The following BRD9 variants were observed in gnomAD, a reference collection of about 807,000 sequenced individuals.
BRD9 encodes bromodomain-containing protein 9.
Under a neutral mutation model 68.7 loss-of-function variants are expected in BRD9, and 47 were observed. The observed-to-expected ratio is 0.68, with a 90% confidence interval of 0.54 to 0.87. The LOEUF is 0.87. Ranked by LOEUF, BRD9 falls within the 40% of genes least tolerant of loss-of-function variation. The pLI is 0.00. For synonymous variants in BRD9, 313 were observed against 293.9 expected, an observed-to-expected ratio of 1.06 and a Z score of -0.67; for missense variants, 670 against 748.4, an observed-to-expected ratio of 0.90 and a Z score of 1.22.
At chr5:876,304 G>T in intron 11 of BRD9, 92 bp from the exon 12 acceptor site, 1 of 908,720 alleles carries the variant, frequency 1.1e-6, no homozygotes, top group Non-Finnish European at 1.7e-6. Flanking sequence ...CCGTGCCAGC[G>T]CAGCTCCTCG....
intron 5 of BRD9, 35 bp from the exon 6 acceptor site, chr5:887,506 A>T (rs1752740169): frequency 6.6e-7 from 1 of 1,515,292 alleles, no homozygotes; most frequent in African/African-American, 1.4e-5. Context: ...ATCAGGTTTG[A>T]AATGCCACAG....
chr5:878,299 C>G (rs554318861), intron 11 of BRD9, 56 bp downstream of exon 11: 80 of 1,602,630 alleles, frequency 5.0e-5, no homozygotes, highest in Non-Finnish European at 6.6e-5. Flanking sequence ...ACGTCCCACA[C>G]CAGGGCACAG....
intron 11 of BRD9, 128 bp downstream of exon 11, chr5:878,227 C>A: frequency 1.5e-6 from 2 of 1,367,680 alleles, no homozygotes; most frequent in Non-Finnish European, 2.0e-6. Context: ...CGGGAAGACC[C>A]AGGCTGCCAT....
At chr5:884,132 A>C in intron 7 of BRD9, 62 bp from the exon 8 acceptor site, 1 of 1,579,840 alleles carries the variant, frequency 6.3e-7, no homozygotes, top group Non-Finnish European at 8.6e-7. Context: ...CCTGCTCCCC[A>C]TGCGTCGGCA....
intron 14 of BRD9, among the ~76,000 whole-genome samples, chr5:867,105 TGGCTAAAAGGGGCCAAGGTACAG>T (rs1311524459): frequency 1.3e-4 from 20 of 152,172 alleles, no homozygotes; most frequent in Admixed American, 1.3e-3. Context: ...GTCCCAGCCA[TGGCTAAAAGGGGCCAAGGTACAG>T]GGCTAAAAGG....
At chr5:867,551 G>A (rs1018244766) in intron 14 of BRD9, among the ~76,000 whole-genome samples, 1 of 152,266 alleles carries the variant, frequency 6.6e-6, no homozygotes, top group Admixed American at 6.5e-5. Context: ...ACAAGGGCGG[G>A]GCTGCCCAAG....
chr5:875,731 G>A (rs1037967276), intron 12 of BRD9, among the ~76,000 whole-genome samples: 6 of 152,032 alleles, frequency 3.9e-5, no homozygotes, highest in African/African-American at 1.5e-4. Context: ...CCATACACAG[G>A]GAAAATGAAT....
intron 15 of BRD9, among the ~76,000 whole-genome samples, chr5:865,029 A>G (rs1237969622): frequency 1.3e-5 from 2 of 152,196 alleles, no homozygotes; most frequent in Non-Finnish European, 2.9e-5. Flanking sequence ...CTGCCGACAG[A>G]GTGATCCAGT....
At chr5:887,670 A>G (rs923497704) in intron 5 of BRD9, among the ~76,000 whole-genome samples, 199 bp from the exon 6 acceptor site, 10 of 152,248 alleles carry the variant, frequency 6.6e-5, no homozygotes, top group Admixed American at 2.0e-4. Flanking sequence ...CATGAAAAAT[A>G]TTACAGCAAA....
At chr5:868,094 GT>G (rs1456601236) in intron 14 of BRD9, among the ~76,000 whole-genome samples, 1 of 152,184 alleles carries the variant, frequency 6.6e-6, no homozygotes, top group Non-Finnish European at 1.5e-5. Flanking sequence ...ATGATAGTGA[GT>G]GACTTCTCAT....
intron 6 of BRD9, 87 bp downstream of exon 6, chr5:887,274 G>C: frequency 1.7e-6 from 2 of 1,146,544 alleles, no homozygotes; most frequent in Non-Finnish European, 2.6e-6. Flanking sequence ...TGGAGCACGT[G>C]TTCACTGTGA....
rs756797355 is a variant in BRD9 at position 865,602 on chromosome 5, C to A, written c.1526-21G>T. 7 of 1,568,468 alleles carry A rather than the reference C, an allele frequency of 4.5e-6. No individual in the cohort carries two copies. The South Asian group carries it at 7.8e-5, about 18-fold the overall frequency. On this transcript the variant is annotated intron_variant, in intron 14 of 15. Transcript: ENST00000467963. ...CTTCCCTGTGTAAACAGGACATGAC[C>A]CCACGTCGGCTGAGCTCAGCCGGCC...
rs796390811 is a variant in BRD9 at position 889,286 on chromosome 5, G to A, written c.462-121C>T. On this transcript the variant is annotated intron_variant, in intron 4 of 15. Transcript: ENST00000467963. ...TGTTTCTTAAAAATAAAAAAGTTAC[G>A]AGCGTCTTTTAATTTATTGTGATAG... is the stretch of plus-strand genomic sequence containing the variant. 83 of 1,120,578 alleles carry A rather than the reference G, an allele frequency of 7.4e-5. 1 individual carries two copies. The highest frequency in any genetic ancestry group is 7.1e-4 in the African/African-American group (44 of 62,226). The allele number at this position is 1,120,578 out of a possible 1,614,324, so 69.4% of individuals were successfully genotyped here. A position where few individuals can be genotyped will look rare whatever the true frequency, so the allele number is the denominator to read the frequency against.
chr5:883,870 C>T, intron 8 of BRD9, 68 bp downstream of exon 8: 1 of 1,572,788 alleles, frequency 6.4e-7, no homozygotes, highest in Non-Finnish European at 8.6e-7. Context: ...AGCACCAACC[C>T]AGAAGGAGAG....
rs1403563991 is a variant in BRD9, at chr5:884,066, TG to T, written c.837del (p.Cys279Ter). On this transcript the variant is annotated frameshift_variant, in exon 8 of 16. Transcript: ENST00000467963. LOFTEE classifies it high-confidence loss of function. The part of the protein sequence containing the change: ...SKKPSREVIS[C>X]MFEPEGNACS... Reference sequence around the variant, plus strand: ...CAGGCATTCCCTTCAGGCTCAAACATGCAGCTGTGAGGTGGGGACAACCAAG... The same window carrying T: ...CAGGCATTCCCTTCAGGCTCAAACATCAGCTGTGAGGTGGGGACAACCAAG... 1 of 1,613,120 alleles carries T rather than the reference TG, an allele frequency of 6.2e-7. No individual in the cohort carries two copies.
Position 887,401 on chromosome 5 carries a change from G to C in BRD9, c.677C>G (p.Ala226Gly). The change falls in exon 6 of 16, where the codon GCG becomes GGG. Residue 226 changes from alanine (A) to glycine (G), a missense_variant. Physicochemically the swap from Ala to Gly is moderately conservative, Grantham distance 60. Coordinates refer to ENST00000467963, the MANE Select transcript of BRD9 (RefSeq NM_023924.5). ...NRPDTVYYKLAKKILHAGFKM... is the reference protein window; with the variant it reads ...NRPDTVYYKLGKKILHAGFKM... ...AAAGCCTGCGTGAAGGATCTTCTTC[G>C]CCAACTTGTAGTACACGGTATCTGG... 1 of 1,613,910 alleles carries C rather than the reference G, an allele frequency of 6.2e-7. No homozygotes were observed. Among genetic ancestry groups the C allele is most frequent in the Non-Finnish European group, 8.5e-7 (1 of 1,179,872 alleles).
At chr5:887,855 G>A (rs925456438) in intron 5 of BRD9, among the ~76,000 whole-genome samples, 1 of 152,204 alleles carries the variant, frequency 6.6e-6, no homozygotes, top group African/African-American at 2.4e-5. Context: ...CACAGTGATA[G>A]CCTCTATCTC....
intron 5 of BRD9, 37 bp downstream of exon 5, chr5:888,984 T>C (rs1752957509): frequency 1.3e-6 from 2 of 1,593,412 alleles, no homozygotes; most frequent in East Asian, 2.2e-5. Context: ...TACACAGAAC[T>C]ATGCCACGAT....
At chr5:891,892 G>A (rs1753472286) in intron 1 of BRD9, 38 bp from the exon 2 acceptor site, 1 of 1,547,554 alleles carries the variant, frequency 6.5e-7, no homozygotes, top group Non-Finnish European at 8.7e-7. Flanking sequence ...CGCGTGCTCA[G>A]GTGCAAACGC....
Sources: gnomAD v4.1 joint callset for allele counts (sites outside exome capture counted in the v4.1 genomes callset) on GRCh38, gnomAD v4.1.1 for gene constraint, MANE v1.5 for transcripts, NCBI Gene and HGNC (gene_info 2026-07-23, HGNC 2026-07-21) for gene names.